Variants in SEC14L5 observed in about 807,000 individuals in gnomAD.
The protein encoded by SEC14L5 is SEC14-like protein 5.
A neutral mutation model predicts 84.6 loss-of-function variants in SEC14L5; 96 were observed. The ratio of observed to expected loss-of-function variants is 1.13; its 90% confidence interval spans 0.96 to 1.34. The LOEUF (loss-of-function observed/expected upper bound fraction) is 1.34. Among genes scored for constraint, SEC14L5 ranks in the 40% most tolerant of loss-of-function variants. The pLI is 0.00. For synonymous variants in SEC14L5, 546 were observed against 383.4 expected (o/e 1.42, Z -4.95); for missense variants, 1,224 against 942.5 (o/e 1.30, Z -3.91).
In SEC14L5 at chr16:4,982,138, C is replaced by G. The variant is rs542854459; in HGVS notation, c.64-5419C>G. The stretch of plus-strand genomic sequence containing the variant: ...CTGTCCTCCTGGCCCTGGTGGAGGA[C>G]AGGCAGGCTGGCCTTGCCCAGCCTG... On this transcript the variant is annotated intron_variant, in intron 2 of 15. Coordinates refer to ENST00000251170, the MANE Select transcript of SEC14L5 (RefSeq NM_014692.2). Among the ~76,000 whole-genome samples the G allele has an allele frequency of 1.2e-4, 19 of 152,202 alleles. 1 individual carries two copies. The South Asian group carries it at 1.9e-3, about 15-fold the overall frequency.
intron 2 of SEC14L5, among the ~76,000 whole-genome samples, chr16:4,974,811 T>C (rs1213992290): frequency 6.6e-6 from 1 of 152,072 alleles, no homozygotes; most frequent in Non-Finnish European, 1.5e-5. Context: ...GGAGTCTCAC[T>C]CTGTCACCCA....
chr16:4,960,371 A>T (rs556782198), intron 2 of SEC14L5, among the ~76,000 whole-genome samples: 87 of 152,258 alleles, frequency 5.7e-4, no homozygotes, highest in African/African-American at 2.0e-3. Flanking sequence ...TGTAAGAAAC[A>T]TTAGCATCCA....
In SEC14L5 at chr16:4,974,160, G is replaced by T. The variant is rs1955312517; in HGVS notation, c.64-13397G>T. 2.6e-5 allele frequency among the ~76,000 whole-genome samples: 4 copies of T among 152,210 alleles called. No individual in the cohort carries two copies. In the South Asian group the frequency reaches 8.3e-4, roughly 32 times the overall value. On this transcript the variant is annotated intron_variant, in intron 2 of 15. Coordinates refer to ENST00000251170, the MANE Select transcript of SEC14L5 (RefSeq NM_014692.2). The stretch of plus-strand genomic sequence containing the variant: ...AGGTGATAAAAATATTCTGGAATAG[G>T]TATTGGTGATGGTTTTAAGTTCATG...
chr16:5,003,629 G>T, intron 11 of SEC14L5, 56 bp downstream of exon 11: 1 of 932,110 alleles, frequency 1.1e-6, no homozygotes. Context: ...GATGGGAGGG[G>T]TTCCGTCTGC....
chr16:4,980,223 G>A (rs1006656146), intron 2 of SEC14L5, among the ~76,000 whole-genome samples: 1 of 152,228 alleles, frequency 6.6e-6, no homozygotes, highest in East Asian at 1.9e-4. Flanking sequence ...TCCAACAATC[G>A]TGAAAGTCCT....
intron 2 of SEC14L5, among the ~76,000 whole-genome samples, chr16:4,982,853 C>G (rs1042873597): frequency 6.6e-6 from 1 of 152,082 alleles, no homozygotes; most frequent in Admixed American, 6.6e-5. Flanking sequence ...AGGCAGGGCT[C>G]GAGTCTGTGC....
chr16:4,969,556 G>A (rs1289639755), intron 2 of SEC14L5, among the ~76,000 whole-genome samples: 1 of 152,034 alleles, frequency 6.6e-6, no homozygotes, highest in Admixed American at 6.6e-5. Flanking sequence ...GCTAAGTTTT[G>A]CATTTTTAGC....
intron 2 of SEC14L5, among the ~76,000 whole-genome samples, chr16:4,984,226 T>A (rs1033722004): frequency 1.3e-5 from 2 of 152,188 alleles, no homozygotes; most frequent in Non-Finnish European, 2.9e-5. Context: ...CAACCACTAA[T>A]CTACTTTCTG....
chr16:4,991,235 A>G (rs2142506897), intron 5 of SEC14L5, among the ~76,000 whole-genome samples: 1 of 143,594 alleles, frequency 7.0e-6, no homozygotes, highest in African/African-American at 2.6e-5. Flanking sequence ...TCCATCCCTG[A>G]GTAAAAACCC....
At position 5,018,455 on chromosome 16, in the gene SEC14L5, G is replaced by A. The variant is rs1316618161; in HGVS notation, c.*3485G>A. On this transcript the variant is annotated 3_prime_UTR_variant, in exon 16 of 16. Transcript: ENST00000251170. ...GCTGAGGCCGGCTGATCGCTTGAGT[G>A]CAGGAGTTCAAGACCAGCCTGGGCA... 6.6e-6 allele frequency: 1 copy of A among 152,190 alleles called. No homozygotes were observed. The highest frequency in any genetic ancestry group is 1.5e-5 in the Non-Finnish European group (1 of 68,084). The allele number at this position is 152,190 out of a possible 1,614,324, so 9.4% of individuals were successfully genotyped here. A position where few individuals can be genotyped will look rare whatever the true frequency, so the allele number is the denominator to read the frequency against.
intron 2 of SEC14L5, among the ~76,000 whole-genome samples, chr16:4,981,055 A>G (rs958895391): frequency 6.9e-6 from 1 of 145,152 alleles, no homozygotes; most frequent in African/African-American, 2.6e-5. Flanking sequence ...CAGATCACAC[A>G]GGGCCCGAGG....
intron 2 of SEC14L5, among the ~76,000 whole-genome samples, chr16:4,974,112 G>A (rs1224071664): frequency 2.0e-5 from 3 of 152,156 alleles, no homozygotes; most frequent in Non-Finnish European, 4.4e-5. Context: ...GTTGACTTCT[G>A]AAGGATACAG....
At chr16:5,012,537 C>A (rs1183945068) in intron 15 of SEC14L5, among the ~76,000 whole-genome samples, 1 of 152,204 alleles carries the variant, frequency 6.6e-6, no homozygotes, top group African/African-American at 2.4e-5. Context: ...AGGCTCACAC[C>A]CAAGTATAAC....
intron 2 of SEC14L5, among the ~76,000 whole-genome samples, chr16:4,986,787 G>A (rs1955491985): frequency 6.6e-6 from 1 of 151,884 alleles, no homozygotes; most frequent in African/African-American, 2.4e-5. Flanking sequence ...TATTCTTTTT[G>A]ATGTTGTAAA....
intron 6 of SEC14L5, among the ~76,000 whole-genome samples, chr16:4,996,113 C>G (rs1955605508): frequency 6.6e-6 from 1 of 152,178 alleles, no homozygotes; most frequent in Non-Finnish European, 1.5e-5. Flanking sequence ...GAAATCCCAT[C>G]TCACAGTGAG....
At chr16:4,990,727 C>A in intron 4 of SEC14L5, 40 bp from the exon 5 acceptor site, 1 of 1,570,438 alleles carries the variant, frequency 6.4e-7, no homozygotes. Context: ...AGGGTGCCCC[C>A]GACATTGAGT....
chr16:4,972,721 TTTATCTGTTCA>T (rs1354705533), intron 2 of SEC14L5, among the ~76,000 whole-genome samples: 1 of 152,048 alleles, frequency 6.6e-6, no homozygotes, highest in African/African-American at 2.4e-5. Context: ...TCACCTTTCA[TTTATCTGTTCA>T]TCTGTTGATG....
In SEC14L5 at chr16:4,988,201, A is replaced by C; in HGVS notation, c.266A>C (p.Lys89Thr). The change falls in exon 4 of 16, where the codon AAG becomes ACG. Residue 89 changes from lysine to threonine, a missense_variant. Physicochemically the swap from Lys to Thr is moderately conservative, Grantham distance 78. Coordinates refer to ENST00000251170, the MANE Select transcript of SEC14L5 (RefSeq NM_014692.2). Reference protein sequence around the residue: ...VFVQTNILNWKERTLLIEAHN... With the variant: ...VFVQTNILNWTERTLLIEAHN... The stretch of plus-strand genomic sequence containing the variant: ...GTGCAGACAAACATCTTGAACTGGA[A>C]GGAGAGGACGCTCCTCATCGAAGCG... 1.2e-6 allele frequency: 2 copies of C among 1,613,826 alleles called. No homozygotes were observed. The highest frequency in any genetic ancestry group is 1.7e-6 in the Non-Finnish European group (2 of 1,179,776).
In SEC14L5 at chr16:4,969,822, T is replaced by C. The variant is rs1261356173; in HGVS notation, c.63+10436T>C. On this transcript the variant is annotated intron_variant, in intron 2 of 15. Transcript: ENST00000251170. The stretch of plus-strand genomic sequence containing the variant: ...TCTTGTCTGGTTCTTTTTCTTTCCT[T>C]TTTTTTTTTTTTTTGAGACTGGTCT... Among the ~76,000 whole-genome samples the C allele has an allele frequency of 1.4e-3, 75 of 53,784 alleles. 1 individual carries two copies. The highest frequency in any genetic ancestry group is 2.0e-3 in the Non-Finnish European group (38 of 19,142). The allele number at this position is 53,784 out of a possible 152,430, so 35.3% of individuals were successfully genotyped here. A position where few individuals can be genotyped will look rare whatever the true frequency, so the allele number is the denominator to read the frequency against.
Sources: allele counts gnomAD v4.1 joint callset (sites outside exome capture counted in the v4.1 genomes callset), GRCh38; gene constraint gnomAD v4.1.1; transcripts MANE v1.5; gene names NCBI Gene and HGNC (gene_info 2026-07-23, HGNC 2026-07-21).